Variants in TADA2A observed in about 807,000 individuals in gnomAD.
TADA2A encodes transcriptional adapter 2-alpha.
A neutral mutation model predicts 67.4 loss-of-function variants in TADA2A; 38 were observed. The observed-to-expected ratio is 0.56, with a 90% CI of 0.44 to 0.74. The LOEUF is 0.74. Ranked by LOEUF, TADA2A falls within the 30% of genes least tolerant of loss-of-function variation. The pLI, the probability that TADA2A is intolerant of heterozygous loss-of-function variation, is 0.00. For missense variants in TADA2A, 454 were observed against 547.0 expected (o/e 0.83, Z 1.70); for synonymous variants, 192 against 181.6 (o/e 1.06, Z -0.46).
At chr17:37,460,826 T>G (rs1156869477) in intron 9 of TADA2A, among the ~76,000 whole-genome samples, 1 of 152,110 alleles carries the variant, frequency 6.6e-6, no homozygotes, top group Non-Finnish European at 1.5e-5. Flanking sequence ...CACAGTGATA[T>G]CTCAGCAATA....
At chr17:37,413,752 C>G (rs2051952856) in intron 2 of TADA2A, among the ~76,000 whole-genome samples, 2 of 151,846 alleles carry the variant, frequency 1.3e-5, no homozygotes, top group Admixed American at 1.3e-4. Flanking sequence ...GATTCCCCCC[C>G]CACCCCCTGC....
At chr17:37,440,382 C>A in intron 5 of TADA2A, 123 bp from the exon 6 acceptor site, 1 of 1,129,858 alleles carries the variant, frequency 8.9e-7, no homozygotes, top group Non-Finnish European at 1.2e-6. Flanking sequence ...TTTTTGATAT[C>A]AATTTGGAAA....
intron 2 of TADA2A, among the ~76,000 whole-genome samples, chr17:37,418,122 A>G (rs1042863052): frequency 5.9e-5 from 9 of 152,310 alleles, no homozygotes; most frequent in Middle Eastern, 3.4e-3. Context: ...AACAAAATAC[A>G]TTCTCCTCTA....
chr17:37,445,231 C>T lies in TADA2A; in HGVS notation c.604+463C>T, dbSNP rs2053040730. ...GGCCCAAATGGGGAATTTCTTGTTT[C>T]TCAGGACTGTTGAATTTTCAACACT... On this transcript the variant is annotated intron_variant, in intron 8 of 15. Coordinates refer to ENST00000615182, the MANE Select transcript of TADA2A (RefSeq NM_001166105.3). Among the ~76,000 whole-genome samples the T allele has an allele frequency of 2.6e-5, 4 of 152,168 alleles. No individual in the cohort carries two copies. The South Asian group carries it at 8.3e-4, about 32-fold the overall frequency.
At chr17:37,413,583 G>T (rs2051946396) in intron 2 of TADA2A, among the ~76,000 whole-genome samples, 1 of 151,550 alleles carries the variant, frequency 6.6e-6, no homozygotes, top group South Asian at 2.1e-4. Context: ...GTCTCACTGT[G>T]TCACCCAGGC....
At chr17:37,409,926 G>A (rs2051808861) in intron 1 of TADA2A, among the ~76,000 whole-genome samples, 1 of 151,940 alleles carries the variant, frequency 6.6e-6, no homozygotes, top group East Asian at 1.9e-4. Context: ...AGCACTTTTG[G>A]AGGCCGAGGT....
At position 37,479,199 on chromosome 17, in the gene TADA2A, G is replaced by C. The variant is rs1343609871; in HGVS notation, c.*2217G>C. 2 of 152,156 alleles carry C rather than the reference G, an allele frequency of 1.3e-5. No homozygotes were observed. Among genetic ancestry groups the C allele is most frequent in the Admixed American group, 6.6e-5 (1 of 15,246 alleles). The allele number at this position is 152,156 out of a possible 1,614,324, so 9.4% of individuals were successfully genotyped here. On this transcript the variant is annotated 3_prime_UTR_variant, in exon 16 of 16. Transcript: ENST00000615182. ...AAGTGGGAGACAATTCCACACACAG[G>C]GGGTGGAGAATGATGTGGAGGCAGC... is the stretch of plus-strand genomic sequence containing the variant.
chr17:37,465,470 A>G lies in TADA2A; in HGVS notation c.752A>G (p.Tyr251Cys). ...RRYPKEVQDL[Y>C]ETMRRFARIV... ...TATCCCAAGGAGGTCCAGGACCTGT[A>G]TGAAACAATGAGGCGATTTGCAAGA... The change falls in exon 11 of 16, where the codon TAT (tyrosine) becomes TGT (cysteine). Residue 251 changes from tyrosine (Y) to cysteine (C), a missense_variant. Tyr to Cys is a radical substitution (Grantham distance 194, BLOSUM62 -2). Around this residue, in one of 2 missense-constraint regions of TADA2A, gnomAD observed 403 missense variants for 455.5 expected, o/e 0.88. Coordinates refer to ENST00000615182, the MANE Select transcript of TADA2A (RefSeq NM_001166105.3). 1 of 1,614,092 alleles carries G rather than the reference A, an allele frequency of 6.2e-7. No homozygotes were observed. The highest frequency in any genetic ancestry group is 1.1e-5 in the South Asian group (1 of 91,080).
At chr17:37,471,188 AG>A (rs780042480) in intron 14 of TADA2A, 51 bp downstream of exon 14, 47 of 1,580,324 alleles carry the variant, frequency 3.0e-5, no homozygotes, top group Non-Finnish European at 4.0e-5. Flanking sequence ...TTTGCATCGT[AG>A]GGGTTATAGT....
In TADA2A at chr17:37,476,934, G is replaced by A; in HGVS notation, c.1284G>A (p.Arg428=). ...TCAAGATAGATGTGAACAAAACCCG[G>A]AAAATCTATGATTTCCTCATCAGAG... is the stretch of plus-strand genomic sequence containing the variant. ...ALIKIDVNKT[R]KIYDFLIREG... The change falls in exon 16 of 16, where the codon CGG becomes CGA. Residue 428 remains arginine, a synonymous_variant. Coordinates refer to ENST00000615182, the MANE Select transcript of TADA2A (RefSeq NM_001166105.3). The A allele has an allele frequency of 6.2e-7, 1 of 1,613,994 alleles. No individual in the cohort carries two copies. The highest frequency in any genetic ancestry group is 8.5e-7 in the Non-Finnish European group (1 of 1,179,930).
At chr17:37,408,933 G>GA (rs1394729367) in intron 1 of TADA2A, among the ~76,000 whole-genome samples, 2 of 152,036 alleles carry the variant, frequency 1.3e-5, no homozygotes, top group Non-Finnish European at 1.5e-5. Context: ...TTACCAGGGT[G>GA]AAAAAAATCA....
chr17:37,452,675 T>C (rs1344040490), intron 8 of TADA2A, among the ~76,000 whole-genome samples: 1 of 152,108 alleles, frequency 6.6e-6, no homozygotes, highest in Non-Finnish European at 1.5e-5. Context: ...AACTGTGTTA[T>C]AAAACAGTGA....
chr17:37,435,995 C>T (rs371362856), intron 4 of TADA2A, among the ~76,000 whole-genome samples: 97 of 152,162 alleles, frequency 6.4e-4, no homozygotes, highest in African/African-American at 2.2e-3. Context: ...GGATTGCAGG[C>T]ATGAGCCACC....
At chr17:37,414,293 T>A (rs2051972240) in intron 2 of TADA2A, among the ~76,000 whole-genome samples, 1 of 152,154 alleles carries the variant, frequency 6.6e-6, no homozygotes. Flanking sequence ...CATGGATTAT[T>A]CCAAATTTGG....
intron 2 of TADA2A, among the ~76,000 whole-genome samples, chr17:37,412,152 A>C (rs891790947): frequency 6.6e-6 from 1 of 150,870 alleles, no homozygotes; most frequent in African/African-American, 2.4e-5. Flanking sequence ...CGGAGCTTGC[A>C]GTGAGCTGAG....
At chr17:37,465,599 G>A in intron 11 of TADA2A, 58 bp downstream of exon 11, 2 of 1,606,024 alleles carry the variant, frequency 1.2e-6, no homozygotes, top group Non-Finnish European at 1.7e-6. Context: ...ATAAATAGGA[G>A]AGATAATGGT....
At chr17:37,467,082 C>T (rs564048065) in intron 11 of TADA2A, among the ~76,000 whole-genome samples, 3 of 152,044 alleles carry the variant, frequency 2.0e-5, no homozygotes, top group South Asian at 4.2e-4. Flanking sequence ...TGCTTGAACC[C>T]GGGAGGTGGA....
At chr17:37,410,735 A>G (rs1352163710) in intron 1 of TADA2A, among the ~76,000 whole-genome samples, 2 of 152,200 alleles carry the variant, frequency 1.3e-5, no homozygotes, top group African/African-American at 4.8e-5. Context: ...CTGTCCTTTC[A>G]TGTCTTACTC....
At chr17:37,466,927 C>T (rs776079663) in intron 11 of TADA2A, among the ~76,000 whole-genome samples, 9 of 152,114 alleles carry the variant, frequency 5.9e-5, no homozygotes, top group East Asian at 1.9e-4. Context: ...AAGGCCGAGG[C>T]GGGTGGATCA....
Sources: gnomAD v4.1 joint callset for allele counts (sites outside exome capture counted in the v4.1 genomes callset) on GRCh38, gnomAD v4.1.1 for gene constraint, gnomAD v4.1.1 regional missense constraint, MANE v1.5 for transcripts, NCBI Gene and HGNC (gene_info 2026-07-23, HGNC 2026-07-21) for gene names.